The following NAA11 variants were observed in gnomAD, a reference collection of about 807,000 sequenced individuals.
NAA11 encodes N-alpha-acetyltransferase 11, NatA catalytic subunit, also known as N-alpha-acetyltransferase 11.
A neutral mutation model predicts 16.1 loss-of-function variants in NAA11; 15 were observed. The observed-to-expected ratio is 0.93, with a 90% CI of 0.62 to 1.44. The LOEUF is 1.44. NAA11 is among the 40% of genes most tolerant of loss of function. The pLI, the probability that NAA11 is intolerant of heterozygous loss-of-function variation, is 0.00. For synonymous variants in NAA11, 122 were observed against 112.4 expected, an observed-to-expected ratio of 1.09 and a Z score of -0.54; for missense variants, 298 against 291.3, an observed-to-expected ratio of 1.02 and a Z score of -0.17.
At chr4:79,277,985 T>C (rs942824258) in intron 2 of NAA11, among the ~76,000 whole-genome samples, 1 of 151,968 alleles carries the variant, frequency 6.6e-6, no homozygotes, top group Non-Finnish European at 1.5e-5. Context: ...CCAGGTGTCC[T>C]GGAATTATTT....
intron 2 of NAA11, among the ~76,000 whole-genome samples, chr4:79,275,715 A>G (rs1722631766): frequency 6.6e-6 from 1 of 152,120 alleles, no homozygotes; most frequent in Non-Finnish European, 1.5e-5. Context: ...GCAAGGCTTT[A>G]GTTTCCTAGG....
the NAA11 span, among the ~76,000 whole-genome samples, chr4:79,194,037 G>A: frequency 6.6e-6 from 1 of 152,058 alleles, no homozygotes; most frequent in Non-Finnish European, 1.5e-5. Flanking sequence ...TGTTATTGGT[G>A]TATAAGAATG....
At chr4:79,181,194 C>T in the NAA11 span, among the ~76,000 whole-genome samples, 38 of 149,972 alleles carry the variant, frequency 2.5e-4, 2 homozygotes, top group East Asian at 5.1e-3. Context: ...CAAACCTGCA[C>T]GTTGTGCACA....
chr4:79,177,671 G>A, the NAA11 span, among the ~76,000 whole-genome samples: 1 of 152,048 alleles, frequency 6.6e-6, no homozygotes, highest in Admixed American at 6.6e-5. Flanking sequence ...TACATTTTTA[G>A]TAATAATAAT....
the NAA11 span, among the ~76,000 whole-genome samples, chr4:79,198,236 G>T: frequency 6.6e-6 from 1 of 151,890 alleles, no homozygotes; most frequent in African/African-American, 2.4e-5. Context: ...GGTCCAGGTA[G>T]ATTCTATGCC....
At chr4:79,221,136 A>G (rs1367277161), downstream of NAA11, among the ~76,000 whole-genome samples, 1 of 151,920 alleles carries the variant, frequency 6.6e-6, no homozygotes, top group Non-Finnish European at 1.5e-5. Flanking sequence ...CTTTGAAGCA[A>G]TTGTGAATGG....
At chr4:79,178,253 T>C in the NAA11 span, among the ~76,000 whole-genome samples, 1 of 152,174 alleles carries the variant, frequency 6.6e-6, no homozygotes, top group Admixed American at 6.5e-5. Context: ...ATTTGCAAAA[T>C]AGGTGATACG....
chr4:79,160,611 AT>A, the NAA11 span, among the ~76,000 whole-genome samples: 1 of 152,132 alleles, frequency 6.6e-6, no homozygotes, highest in Non-Finnish European at 1.5e-5. Flanking sequence ...ATGACTAATG[AT>A]TTTTTAGTAT....
chr4:79,274,802 C>T (rs529140286), intron 2 of NAA11, among the ~76,000 whole-genome samples: 24 of 152,160 alleles, frequency 1.6e-4, no homozygotes, highest in Non-Finnish European at 2.2e-4. Flanking sequence ...GATATAGTCT[C>T]GAGCAGCACA....
chr4:79,205,885 T>C, the NAA11 span, among the ~76,000 whole-genome samples: 1 of 151,980 alleles, frequency 6.6e-6, no homozygotes, highest in Non-Finnish European at 1.5e-5. Context: ...TCCCAGTATA[T>C]TTTTTGTCTG....
chr4:79,252,788 T>G (rs886799885), intron 2 of NAA11, among the ~76,000 whole-genome samples: 3 of 152,160 alleles, frequency 2.0e-5, no homozygotes, highest in African/African-American at 7.2e-5. Flanking sequence ...GTTAAAGAGA[T>G]ATGCACATAT....
downstream of NAA11, among the ~76,000 whole-genome samples, chr4:79,220,811 G>T (rs951684478): frequency 6.6e-5 from 10 of 152,130 alleles, no homozygotes; most frequent in Non-Finnish European, 1.5e-4. Context: ...GTAGTGTGAT[G>T]CCTCCAGCTT....
At chr4:79,198,765 C>G in the NAA11 span, among the ~76,000 whole-genome samples, 1 of 151,910 alleles carries the variant, frequency 6.6e-6, no homozygotes, top group Admixed American at 6.6e-5. Flanking sequence ...CTTGGGAATA[C>G]TTAAGAGCAT....
rs1213549129 is a variant in NAA11 at position 79,303,072 on chromosome 4, CCTTTTATATATATATA to C, written c.*13-8974_*13-8959del. On this transcript the variant is annotated intron_variant and NMD_transcript_variant, in intron 1 of 2. Coordinates refer to the NAA11 transcript ENST00000511542. The stretch of plus-strand genomic sequence containing the variant: ...CCTTTTCATTCCTGTTCTCTTGAGG[CCTTTTATATATATATA>C]TATATATATATATATATATATATAT... 5.4e-3 allele frequency among the ~76,000 whole-genome samples: 482 copies of C among 89,054 alleles called. 10 individuals carry two copies. The highest frequency in any genetic ancestry group is 0.02 in the African/African-American group (446 of 21,988). 58.4% of individuals were successfully genotyped at this position (89,054 alleles called of 152,430 possible). A position where few individuals can be genotyped will look rare whatever the true frequency, so the allele number is the denominator to read the frequency against.
the NAA11 span, among the ~76,000 whole-genome samples, chr4:79,182,024 C>T: frequency 6.6e-6 from 1 of 152,042 alleles, no homozygotes; most frequent in South Asian, 2.1e-4. Context: ...GATAATATTC[C>T]AATTTTAGGA....
downstream of NAA11, among the ~76,000 whole-genome samples, chr4:79,313,055 A>G (rs1403498901): frequency 1.3e-5 from 2 of 152,222 alleles, no homozygotes; most frequent in African/African-American, 4.8e-5. Flanking sequence ...TAAAATGTCC[A>G]CATACATGCA....
At chr4:79,198,130 G>T in the NAA11 span, among the ~76,000 whole-genome samples, 1 of 151,868 alleles carries the variant, frequency 6.6e-6, no homozygotes, top group African/African-American at 2.4e-5. Context: ...GCTTTCTGAA[G>T]TGATAATTAC....
the NAA11 span, among the ~76,000 whole-genome samples, chr4:79,186,326 A>G: frequency 6.6e-6 from 1 of 152,222 alleles, no homozygotes; most frequent in African/African-American, 2.4e-5. Flanking sequence ...GAGTACAGAA[A>G]TACTTTGGAA....
the NAA11 span, among the ~76,000 whole-genome samples, chr4:79,156,893 G>T: frequency 8.5e-5 from 13 of 152,246 alleles, no homozygotes; most frequent in Non-Finnish European, 1.6e-4. Context: ...AGAAGAAAAA[G>T]AATTTAGCTC....
Sources: gnomAD v4.1 joint callset for allele counts (sites outside exome capture counted in the v4.1 genomes callset) on GRCh38, gnomAD v4.1.1 for gene constraint, MANE v1.5 for transcripts, NCBI Gene and HGNC (gene_info 2026-07-23, HGNC 2026-07-21) for gene names.